Variants in ATP6V0E1 observed in about 807,000 individuals in gnomAD.
The protein encoded by ATP6V0E1 is ATPase H+ transporting V0 subunit e1.
ATP6V0E1 carries 4 observed loss-of-function variants against 11.6 expected under a neutral mutation model. The observed-to-expected ratio is 0.35, with a 90% confidence interval of 0.17 to 0.79. ATP6V0E1 has a LOEUF of 0.79. Ranked by LOEUF, ATP6V0E1 falls within the 30% of genes least tolerant of loss-of-function variation. ATP6V0E1 has a pLI of 0.54. For synonymous variants in ATP6V0E1, 36 were observed against 34.8 expected (o/e 1.04, Z -0.13); for missense variants, 105 against 100.0 (o/e 1.05, Z -0.21).
chr5:172,986,279 T>C (rs1390809433), intron 1 of ATP6V0E1, among the ~76,000 whole-genome samples: 18 of 152,318 alleles, frequency 1.2e-4, no homozygotes, highest in African/African-American at 4.3e-4. Context: ...TTCCTGTAAC[T>C]TTTTTACTTA....
rs1442535315 is a variant in ATP6V0E1 at position 172,984,032 on chromosome 5, G to C, written c.104+68G>C. On this transcript the variant is annotated intron_variant, in intron 1 of 3. Coordinates refer to ENST00000519374, the MANE Select transcript of ATP6V0E1 (RefSeq NM_003945.4). ...AGCTAGCAGGCCGGGGCGGGGAAAG[G>C]CACGACCCCCACACGGGTCAGAGAA... 3 of 1,468,806 alleles carry C rather than the reference G, an allele frequency of 2.0e-6. No homozygotes were observed. In the African/African-American group the frequency reaches 4.2e-5, roughly 20 times the overall value. The allele number at this position is 1,468,806 out of a possible 1,614,324, so 91.0% of individuals were successfully genotyped here.
chr5:172,989,629 CAA>C (rs1167241362), intron 1 of ATP6V0E1, among the ~76,000 whole-genome samples: 1 of 151,618 alleles, frequency 6.6e-6, no homozygotes, highest in Non-Finnish European at 1.5e-5. Flanking sequence ...CGGGTTCAAG[CAA>C]TTCTCCTGCC....
At chr5:173,032,005 T>C (rs996403700) in intron 3 of ATP6V0E1, among the ~76,000 whole-genome samples, 9 of 151,126 alleles carry the variant, frequency 6.0e-5, no homozygotes, top group African/African-American at 1.9e-4. Context: ...AATACAAAAA[T>C]CAGCCAGGTA....
chr5:173,027,071 C>T (rs546580339), intron 3 of ATP6V0E1, among the ~76,000 whole-genome samples: 2 of 145,518 alleles, frequency 1.4e-5, no homozygotes, highest in South Asian at 2.2e-4. Context: ...CCCAGCTACT[C>T]GGGAGGCTGG....
At chr5:173,012,847 T>C (rs73329279) in intron 2 of ATP6V0E1, among the ~76,000 whole-genome samples, 3,211 of 152,032 alleles carry the variant, frequency 0.021, 105 homozygotes, top group African/African-American at 0.072. Flanking sequence ...AGCATTGGTC[T>C]AGGCAAAAGT....
Position 173,020,251 on chromosome 5 carries a change from A to G in ATP6V0E1, c.166A>G (p.Ile56Val), listed in dbSNP as rs151242113. 4 of 1,613,408 alleles carry G rather than the reference A, an allele frequency of 2.5e-6. No individual in the cohort carries two copies. Among genetic ancestry groups the G allele is most frequent in the Non-Finnish European group, 3.4e-6 (4 of 1,179,410 alleles). Residue 56 changes from isoleucine to valine, a missense_variant, in exon 3 of 4, where the codon ATT becomes GTT. Physicochemically the swap from Ile to Val is conservative, Grantham distance 29. Coordinates refer to ENST00000519374, the MANE Select transcript of ATP6V0E1 (RefSeq NM_003945.4). The stretch of plus-strand genomic sequence containing the variant: ...TCCTTCTTTTAGTTGGCTGATTGCA[A>G]TTCTGGCCCAACTCAACCCTCTCTT... ...VCCYLFWLIA[I>V]LAQLNPLFGP...
At chr5:173,013,313 C>T (rs528916842) in intron 2 of ATP6V0E1, among the ~76,000 whole-genome samples, 19 of 152,294 alleles carry the variant, frequency 1.2e-4, no homozygotes, top group African/African-American at 4.6e-4. Context: ...CGGTGGCTCA[C>T]GCCTGTAATC....
chr5:172,995,143 G>A (rs1202296165), intron 2 of ATP6V0E1, among the ~76,000 whole-genome samples: 1 of 152,134 alleles, frequency 6.6e-6, no homozygotes, highest in Non-Finnish European at 1.5e-5. Flanking sequence ...CCGCTCTGTC[G>A]CCCAGGCTGC....
chr5:172,990,281 G>A (rs1290813921), intron 1 of ATP6V0E1, among the ~76,000 whole-genome samples: 1 of 152,116 alleles, frequency 6.6e-6, no homozygotes, highest in Non-Finnish European at 1.5e-5. Flanking sequence ...CTAAAATCAG[G>A]TCTGTGCCTG....
chr5:172,993,688 C>CCCA (rs1554118448), intron 1 of ATP6V0E1, among the ~76,000 whole-genome samples: 7 of 130,700 alleles, frequency 5.4e-5, no homozygotes, highest in South Asian at 6.3e-4. Context: ...GACCCCCCCC[C>CCCA]CCGACCCCAC....
intron 2 of ATP6V0E1, among the ~76,000 whole-genome samples, chr5:173,001,881 G>T (rs897834704): frequency 2.0e-5 from 3 of 152,082 alleles, no homozygotes; most frequent in African/African-American, 7.2e-5. Context: ...ACCACGCCTG[G>T]CTTATTTTGT....
At chr5:173,018,756 G>A (rs953014051) in intron 2 of ATP6V0E1, among the ~76,000 whole-genome samples, 2 of 152,094 alleles carry the variant, frequency 1.3e-5, no homozygotes, top group South Asian at 4.1e-4. Flanking sequence ...CTTAGTAGGT[G>A]CTCATTAAAT....
At position 173,034,609 on chromosome 5, in the gene ATP6V0E1, A is replaced by G. The variant is rs1038316662; in HGVS notation, c.*247A>G. ...TGAACTGTGCCGACTCCACAAAACG[A>G]TTATGTACTCTTCTGAGATAGAAGA... On this transcript the variant is annotated 3_prime_UTR_variant, in exon 4 of 4. Coordinates refer to ENST00000519374, the MANE Select transcript of ATP6V0E1 (RefSeq NM_003945.4). 1 of 599,696 alleles carries G rather than the reference A, an allele frequency of 1.7e-6. No homozygotes were observed. The highest frequency in any genetic ancestry group is 3.0e-6 in the Non-Finnish European group (1 of 330,464). The allele number at this position is 599,696 out of a possible 1,614,324, so 37.1% of individuals were successfully genotyped here. A position where few individuals can be genotyped will look rare whatever the true frequency, so the allele number is the denominator to read the frequency against.
At chr5:172,995,535 T>A (rs1201283184) in intron 2 of ATP6V0E1, among the ~76,000 whole-genome samples, 1 of 152,264 alleles carries the variant, frequency 6.6e-6, no homozygotes, top group Non-Finnish European at 1.5e-5. Flanking sequence ...CCAAGTAGAC[T>A]AAGGATAATT....
At chr5:172,997,673 C>T (rs995631001) in intron 2 of ATP6V0E1, among the ~76,000 whole-genome samples, 39 of 151,990 alleles carry the variant, frequency 2.6e-4, no homozygotes, top group Admixed American at 2.0e-3. Context: ...TTTAGCCGAG[C>T]GTGGTGGTGG....
intron 2 of ATP6V0E1, among the ~76,000 whole-genome samples, chr5:173,012,754 CA>C (rs1241067003): frequency 0.033 from 3,390 of 101,996 alleles, 109 homozygotes; most frequent in African/African-American, 0.1. Context: ...AACTCCATCT[CA>C]AAAAAAAAAA....
chr5:173,010,906 G>A (rs1756310441), intron 2 of ATP6V0E1, among the ~76,000 whole-genome samples: 1 of 152,232 alleles, frequency 6.6e-6, no homozygotes, highest in African/African-American at 2.4e-5. Flanking sequence ...GAGTATAGTG[G>A]TGAGGGCATA....
intron 3 of ATP6V0E1, chr5:173,020,916 G>T: frequency 1.9e-6 from 1 of 519,856 alleles, no homozygotes; most frequent in South Asian, 1.4e-5. Flanking sequence ...GTTCTAGTCT[G>T]GGAGCAGACA....
Position 172,985,094 on chromosome 5 carries a change from A to G in ATP6V0E1, c.104+1130A>G, listed in dbSNP as rs1310796240. On this transcript the variant is annotated intron_variant, in intron 1 of 3. Transcript: ENST00000519374. ...ACCCGTCTCTACTAAAAACACAAAA[A>G]ATTAGCCGGGCGTGGTGGCGGGCGC... Among the ~76,000 whole-genome samples, 5 of 152,080 alleles carry G rather than the reference A, an allele frequency of 3.3e-5. No homozygotes were observed. The East Asian group carries it at 9.7e-4, about 29-fold the overall frequency.
Sources: gnomAD v4.1 joint callset for allele counts (sites outside exome capture counted in the v4.1 genomes callset) on GRCh38, gnomAD v4.1.1 for gene constraint, MANE v1.5 for transcripts, NCBI Gene and HGNC (gene_info 2026-07-23, HGNC 2026-07-21) for gene names.